The following PITPNC1 variants were observed in gnomAD, a reference collection of about 807,000 sequenced individuals.
PITPNC1 encodes phosphatidylinositol transfer protein cytoplasmic 1.
A neutral mutation model predicts 44.7 loss-of-function variants in PITPNC1; 18 were observed. The ratio of observed to expected loss-of-function variants is 0.40; its 90% CI spans 0.28 to 0.60. PITPNC1 has a LOEUF of 0.60. PITPNC1 is among the 20% of genes least tolerant of loss of function. The pLI is 0.39. For synonymous variants in PITPNC1, 141 were observed against 149.6 expected, an observed-to-expected ratio of 0.94 and a Z score of 0.42; for missense variants, 290 against 418.4, an observed-to-expected ratio of 0.69 and a Z score of 2.68.
At chr17:67,444,327 G>C (rs2039062344) in intron 1 of PITPNC1, among the ~76,000 whole-genome samples, 2 of 152,078 alleles carry the variant, frequency 1.3e-5, no homozygotes, top group South Asian at 4.1e-4. Flanking sequence ...TTATGAAGGA[G>C]GAATACGGAT....
rs921967653 is a variant in PITPNC1, at chr17:67,471,225, T to TA, written c.49-61565dup. Among the ~76,000 whole-genome samples, 383 of 87,012 alleles carry TA rather than the reference T, an allele frequency of 4.4e-3. 2 individuals carry two copies. Among genetic ancestry groups the TA allele is most frequent in the African/African-American group, 7.3e-3 (155 of 21,256 alleles). 57.1% of individuals were successfully genotyped at this position (87,012 alleles called of 152,430 possible). On this transcript the variant is annotated intron_variant, in intron 1 of 8. Transcript: ENST00000581322. Reference sequence around the variant, plus strand: ...AAAAAAATAAATTAAAAAAAAAATGTAAAAAAAAAAAATGTAAAAAAAAAA... The same window carrying TA: ...AAAAAAATAAATTAAAAAAAAAATGTAAAAAAAAAAAAATGTAAAAAAAAAA...
chr17:67,578,930 C>T (rs931552994), intron 5 of PITPNC1, among the ~76,000 whole-genome samples: 3 of 152,120 alleles, frequency 2.0e-5, no homozygotes, highest in Admixed American at 6.5e-5. Context: ...TACAGTGAGC[C>T]GAGGTTGCAC....
chr17:67,400,572 G>A (rs995974583), intron 1 of PITPNC1, among the ~76,000 whole-genome samples: 1 of 152,036 alleles, frequency 6.6e-6, no homozygotes, highest in Non-Finnish European at 1.5e-5. Flanking sequence ...CCTCTTTCAA[G>A]TAGTGCCGTG....
intron 6 of PITPNC1, among the ~76,000 whole-genome samples, chr17:67,643,194 G>T (rs2042109380): frequency 6.6e-6 from 1 of 152,156 alleles, no homozygotes; most frequent in African/African-American, 2.4e-5. Context: ...GAGGTCAGGA[G>T]TTCGAGACCA....
intron 1 of PITPNC1, among the ~76,000 whole-genome samples, chr17:67,398,200 A>G (rs1185132110): frequency 6.6e-6 from 1 of 152,168 alleles, no homozygotes; most frequent in African/African-American, 2.4e-5. Context: ...ATGAATTTTA[A>G]ATCATTGTAA....
intron 1 of PITPNC1, among the ~76,000 whole-genome samples, chr17:67,383,495 G>A (rs907394866): frequency 2.0e-5 from 3 of 152,258 alleles, no homozygotes; most frequent in Non-Finnish European, 2.9e-5. Context: ...TCTGCTTAGC[G>A]GGACACATAG....
At chr17:67,386,185 A>G (rs2143789135) in intron 1 of PITPNC1, among the ~76,000 whole-genome samples, 1 of 152,284 alleles carries the variant, frequency 6.6e-6, no homozygotes, top group East Asian at 1.9e-4. Flanking sequence ...GCATTAAAAG[A>G]AATTAATATA....
intron 5 of PITPNC1, among the ~76,000 whole-genome samples, chr17:67,582,452 G>A (rs369748416): frequency 1.3e-5 from 2 of 152,028 alleles, no homozygotes; most frequent in Non-Finnish European, 2.9e-5. Context: ...AATTGATGAC[G>A]ATAAGAAGCA....
At chr17:67,573,237 G>T (rs1269473330) in intron 4 of PITPNC1, among the ~76,000 whole-genome samples, 1 of 152,124 alleles carries the variant, frequency 6.6e-6, no homozygotes, top group Non-Finnish European at 1.5e-5. Context: ...TGGAATTTGC[G>T]ATGTTGATTT....
At chr17:67,513,433 G>A (rs2040216492) in intron 1 of PITPNC1, among the ~76,000 whole-genome samples, 1 of 142,300 alleles carries the variant, frequency 7.0e-6, no homozygotes, top group Non-Finnish European at 1.5e-5. Context: ...GTATATATAT[G>A]TATATACATA....
intron 1 of PITPNC1, among the ~76,000 whole-genome samples, chr17:67,414,098 G>GAAAA (rs200463268): frequency 6.9e-6 from 1 of 145,370 alleles, no homozygotes; most frequent in Non-Finnish European, 1.5e-5. Context: ...AGTTTGAACT[G>GAAAA]AAAAAAAAAA....
rs2041470728 is a variant in PITPNC1, at chr17:67,597,191, G to T, written c.366+18934G>T. On this transcript the variant is annotated intron_variant, in intron 5 of 8. Coordinates refer to ENST00000581322, the MANE Select transcript of PITPNC1 (RefSeq NM_012417.4). The surrounding 1 kb of genome is among the most constrained non-coding windows in gnomAD (Gnocchi z 4.0). ...TTATAGGCATGAGCCACCATGCCTGGCCCCAAATAATTTATATAAGCCATT... is the reference window on the plus strand; with the variant it reads ...TTATAGGCATGAGCCACCATGCCTGTCCCCAAATAATTTATATAAGCCATT... Among the ~76,000 whole-genome samples, 1 of 152,060 alleles carries T rather than the reference G, an allele frequency of 6.6e-6. No individual in the cohort carries two copies. Among genetic ancestry groups the T allele is most frequent in the African/African-American group, 2.4e-5 (1 of 41,400 alleles).
intron 1 of PITPNC1, among the ~76,000 whole-genome samples, chr17:67,512,274 G>A (rs559091168): frequency 2.0e-4 from 30 of 152,278 alleles, no homozygotes; most frequent in Non-Finnish European, 2.9e-4. Context: ...CCAGGCGGGC[G>A]GATCATTTGA....
At chr17:67,448,596 T>TCTCTAGAACCC (rs1223497293) in intron 1 of PITPNC1, among the ~76,000 whole-genome samples, 2 of 152,150 alleles carry the variant, frequency 1.3e-5, no homozygotes, top group Admixed American at 6.5e-5. Flanking sequence ...ACTGGACCAT[T>TCTCTAGAACCC]CTCTAGAACC....
At position 67,443,367 on chromosome 17, in the gene PITPNC1, G is replaced by C. The variant is rs530368846; in HGVS notation, c.48+65165G>C. ...AGACTTCTTAGACTCTCGCAAGCAG[G>C]CTTCTTTGTTCTGTTTTCCCATAGG... On this transcript the variant is annotated intron_variant, in intron 1 of 8. Coordinates refer to ENST00000581322, the MANE Select transcript of PITPNC1 (RefSeq NM_012417.4). Among the ~76,000 whole-genome samples the C allele has an allele frequency of 9.8e-4, 148 of 151,770 alleles. 1 individual carries two copies. Among genetic ancestry groups the C allele is most frequent in the Non-Finnish European group, 1.8e-3 (125 of 67,930 alleles).
rs549659059 is a variant in PITPNC1, at chr17:67,620,089, C to T, written c.367-12054C>T. Among the ~76,000 whole-genome samples, 12 of 152,042 alleles carry T rather than the reference C, an allele frequency of 7.9e-5. No individual in the cohort carries two copies. In the South Asian group the frequency reaches 1.9e-3, roughly 24 times the overall value. ...TGTTTTTTGAGACAGGGTCTCACTC[C>T]GTCTTCCAGACTGGAGTGCAGTGGC... is the stretch of plus-strand genomic sequence containing the variant. On this transcript the variant is annotated intron_variant, in intron 5 of 8. Transcript: ENST00000581322.
At chr17:67,421,233 G>A (rs2143866255) in intron 1 of PITPNC1, among the ~76,000 whole-genome samples, 1 of 152,258 alleles carries the variant, frequency 6.6e-6, no homozygotes. Flanking sequence ...GAAGACGGAT[G>A]TCTTTTGTCT....
chr17:67,513,064 A>T (rs777002974), intron 1 of PITPNC1, among the ~76,000 whole-genome samples: 1 of 152,116 alleles, frequency 6.6e-6, no homozygotes, highest in Non-Finnish European at 1.5e-5. Context: ...TATAATAATT[A>T]TTAAAAATAT....
chr17:67,693,135 AT>A lies in PITPNC1; in HGVS notation c.*248del. ...GAATCTTCTGTAACCACATAGCTGT[AT>A]GCCAGAGAGGAAGCCTTGTTATTGG... is the stretch of plus-strand genomic sequence containing the variant. On this transcript the variant is annotated 3_prime_UTR_variant, in exon 9 of 9. Coordinates refer to ENST00000581322, the MANE Select transcript of PITPNC1 (RefSeq NM_012417.4). 2.4e-6 allele frequency: 1 copy of A among 417,836 alleles called. No individual in the cohort carries two copies. The allele number at this position is 417,836 out of a possible 1,614,324, so 25.9% of individuals were successfully genotyped here. A position where few individuals can be genotyped will look rare whatever the true frequency, so the allele number is the denominator to read the frequency against.
Sources: allele counts gnomAD v4.1 joint callset (sites outside exome capture counted in the v4.1 genomes callset), GRCh38; gene constraint gnomAD v4.1.1; non-coding constraint Gnocchi (gnomAD v3.1); transcripts MANE v1.5; gene names NCBI Gene and HGNC (gene_info 2026-07-23, HGNC 2026-07-21).